Variants in NIBAN3 observed in about 807,000 individuals in gnomAD.
The protein encoded by NIBAN3 is niban apoptosis regulator 3, also known as protein Niban 3.
A neutral mutation model predicts 76.4 loss-of-function variants in NIBAN3; 66 were observed. The ratio of observed to expected loss-of-function variants is 0.86; its 90% confidence interval spans 0.71 to 1.06. The LOEUF (loss-of-function observed/expected upper bound fraction) is 1.06, where lower values mean the gene tolerates loss of function less well. Among genes scored for constraint, NIBAN3 ranks in the 50% least tolerant of loss-of-function variants. NIBAN3 has a pLI of 0.00. For missense variants in NIBAN3, 808 were observed against 810.7 expected, an observed-to-expected ratio of 1.00 and a Z score of 0.04; for synonymous variants, 360 against 355.2, an observed-to-expected ratio of 1.01 and a Z score of -0.15.
At position 17,539,635 on chromosome 19, in the gene NIBAN3, C is replaced by CG; in HGVS notation, c.853dup (p.Ala285GlyfsTer126). On this transcript the variant is annotated frameshift_variant, in exon 8 of 15. Transcript: ENST00000599164. LOFTEE classifies it high-confidence loss of function. ...ACGCCGTTCACGCAGCTGTCCTGGC[C>CG]GGGGCCTCCGCCGGGCTCTGCGCCT... is the stretch of plus-strand genomic sequence containing the variant. The CG allele has an allele frequency of 6.4e-7, 1 of 1,573,706 alleles. No homozygotes were observed. The highest frequency in any genetic ancestry group is 1.2e-5 in the South Asian group (1 of 86,108).
Position 17,552,020 on chromosome 19 carries a change from T to C in NIBAN3, c.*122T>C. 5.6e-6 allele frequency: 3 copies of C among 536,410 alleles called. No individual in the cohort carries two copies. Among genetic ancestry groups the C allele is most frequent in the Non-Finnish European group, 3.4e-6 (1 of 292,220 alleles). 33.2% of individuals were successfully genotyped at this position (536,410 alleles called of 1,614,324 possible). A position where few individuals can be genotyped will look rare whatever the true frequency, so the allele number is the denominator to read the frequency against. ...CCTGCAACTTCAGAAAACTGTACCATTTTATACTCCAAGCAGCAGCATTTA... is the reference window on the plus strand; with the variant it reads ...CCTGCAACTTCAGAAAACTGTACCACTTTATACTCCAAGCAGCAGCATTTA... On this transcript the variant is annotated 3_prime_UTR_variant, in exon 15 of 15. Transcript: ENST00000599164.
intron 3 of NIBAN3, among the ~76,000 whole-genome samples, chr19:17,533,111 A>G (rs2075760194): frequency 6.6e-6 from 1 of 152,094 alleles, no homozygotes; most frequent in Non-Finnish European, 1.5e-5. Context: ...CGTCTCTACT[A>G]AAAATACAAA....
Sources: gnomAD v4.1 joint callset for allele counts (sites outside exome capture counted in the v4.1 genomes callset) on GRCh38, gnomAD v4.1.1 for gene constraint, MANE v1.5 for transcripts, NCBI Gene and HGNC (gene_info 2026-07-23, HGNC 2026-07-21) for gene names.